B3GAT2: variants seen among roughly 807,000 people sequenced by gnomAD.
B3GAT2 encodes the protein beta-1,3-glucuronyltransferase 2, also known as galactosylgalactosylxylosylprotein 3-beta-glucuronosyltransferase 2.
B3GAT2 carries 26 observed loss-of-function variants against 27.8 expected under a neutral mutation model. The ratio of observed to expected loss-of-function variants is 0.93; its 90% CI spans 0.68 to 1.30. B3GAT2 has a LOEUF of 1.30. Ranked by LOEUF, B3GAT2 falls within the 50% of genes most tolerant of loss-of-function variation. B3GAT2 has a pLI of 0.00. For synonymous variants in B3GAT2, 218 were observed against 195.1 expected (o/e 1.12, Z -0.98); for missense variants, 458 against 459.0 (o/e 1.00, Z 0.02).
At chr6:70,941,324 A>G (rs1765389181) in intron 1 of B3GAT2, among the ~76,000 whole-genome samples, 1 of 152,208 alleles carries the variant, frequency 6.6e-6, no homozygotes. Flanking sequence ...GGCAAAAAGA[A>G]CTAATATTTA....
chr6:70,879,768 C>T (rs1267032797), intron 2 of B3GAT2, among the ~76,000 whole-genome samples: 1 of 151,994 alleles, frequency 6.6e-6, no homozygotes, highest in African/African-American at 2.4e-5. Context: ...GTGGGAGAGG[C>T]AGGTGGGTTG....
At chr6:70,927,259 C>G (rs545926829) in intron 1 of B3GAT2, among the ~76,000 whole-genome samples, 1 of 152,202 alleles carries the variant, frequency 6.6e-6, no homozygotes, top group Non-Finnish European at 1.5e-5. Flanking sequence ...TATGAAGAAA[C>G]TGCATCAACT....
In B3GAT2 at chr6:70,858,254, T is replaced by G; in HGVS notation, c.*3409A>C. The G allele has an allele frequency of 6.7e-7, 1 of 1,492,172 alleles. No individual in the cohort carries two copies. The highest frequency in any genetic ancestry group is 9.1e-7 in the Non-Finnish European group (1 of 1,100,922). The allele number at this position is 1,492,172 out of a possible 1,614,324, so 92.4% of individuals were successfully genotyped here. On this transcript the variant is annotated 3_prime_UTR_variant, in exon 4 of 4. Transcript: ENST00000230053. ...GGTAGGGGTCATTTACTTTCTAGCTTCTCCCAAATCAAACCAGATTTATTT... is the reference window on the plus strand; with the variant it reads ...GGTAGGGGTCATTTACTTTCTAGCTGCTCCCAAATCAAACCAGATTTATTT...
intron 1 of B3GAT2, among the ~76,000 whole-genome samples, chr6:70,925,465 A>G (rs773424899): frequency 1.2e-4 from 19 of 152,276 alleles, no homozygotes; most frequent in African/African-American, 4.3e-4. Flanking sequence ...CGCTTTTCCA[A>G]TGGTCTTAGC....
At chr6:70,899,359 C>G (rs1397254908) in intron 1 of B3GAT2, among the ~76,000 whole-genome samples, 1 of 152,168 alleles carries the variant, frequency 6.6e-6, no homozygotes, top group Non-Finnish European at 1.5e-5. Context: ...AGAAGCAAAA[C>G]TTTGCATGCA....
intron 1 of B3GAT2, among the ~76,000 whole-genome samples, chr6:70,955,238 G>A (rs1353569344): frequency 6.6e-6 from 1 of 151,838 alleles, no homozygotes; most frequent in Non-Finnish European, 1.5e-5. Context: ...GGGAAAGAGA[G>A]GAAGGACCTC....
chr6:70,946,454 T>G (rs1302861521), intron 1 of B3GAT2, among the ~76,000 whole-genome samples: 1 of 151,894 alleles, frequency 6.6e-6, no homozygotes, highest in Non-Finnish European at 1.5e-5. Flanking sequence ...AAACAGACTT[T>G]AAACCAACAA....
intron 1 of B3GAT2, among the ~76,000 whole-genome samples, chr6:70,915,299 A>G (rs1022859707): frequency 6.6e-6 from 1 of 152,036 alleles, no homozygotes; most frequent in Non-Finnish European, 1.5e-5. Flanking sequence ...TACATTCTGA[A>G]TATTAGCCCT....
intron 2 of B3GAT2, among the ~76,000 whole-genome samples, chr6:70,873,977 T>C (rs1411814301): frequency 6.6e-6 from 1 of 152,156 alleles, no homozygotes; most frequent in Non-Finnish European, 1.5e-5. Flanking sequence ...TATTTAGACA[T>C]GGTTATCTTT....
At chr6:70,950,860 T>C (rs1765568669) in intron 1 of B3GAT2, among the ~76,000 whole-genome samples, 2 of 152,218 alleles carry the variant, frequency 1.3e-5, no homozygotes, top group Non-Finnish European at 2.9e-5. Flanking sequence ...GCTCAATTTA[T>C]GTCAACTATA....
chr6:70,955,696 TC>T, intron 1 of B3GAT2, 142 bp downstream of exon 1: 2 of 1,014,548 alleles, frequency 2.0e-6, no homozygotes, highest in South Asian at 1.8e-5. Context: ...AAGGAGCGGC[TC>T]CACTCGGTGC....
chr6:70,893,143 G>A (rs947637197), intron 2 of B3GAT2, among the ~76,000 whole-genome samples: 1 of 152,190 alleles, frequency 6.6e-6, no homozygotes, highest in African/African-American at 2.4e-5. Context: ...CCCCTCAGAT[G>A]ACTCCTGGTA....
At chr6:70,877,537 C>T (rs1772034746) in intron 2 of B3GAT2, among the ~76,000 whole-genome samples, 1 of 152,092 alleles carries the variant, frequency 6.6e-6, no homozygotes, top group Non-Finnish European at 1.5e-5. Context: ...TTCTCCTTCT[C>T]ACTCCTTCAA....
intron 1 of B3GAT2, among the ~76,000 whole-genome samples, chr6:70,951,054 T>G (rs1765571851): frequency 6.6e-6 from 1 of 152,180 alleles, no homozygotes; most frequent in Non-Finnish European, 1.5e-5. Flanking sequence ...TGGGAGAATT[T>G]GAGCTCCATG....
Position 70,861,877 on chromosome 6 carries a change from T to A in B3GAT2, c.838A>T (p.Ile280Leu), listed in dbSNP as rs758060613. The change falls in exon 3 of 4, where the codon ATA becomes TTA. Residue 280 changes from isoleucine (I) to leucine (L), a missense_variant. Coordinates refer to ENST00000230053, the MANE Select transcript of B3GAT2 (RefSeq NM_080742.3). ...GGTTCCAGTTCTTCGACTGTTGTTA[T>A]CTGTTTGAGAAAGTCAGATTCTTGC... ...GMQESDFLKQ[I>L]TTVEELEPKA... 8 of 1,613,938 alleles carry A rather than the reference T, an allele frequency of 5.0e-6. No homozygotes were observed. In the African/African-American group the frequency reaches 1.1e-4, roughly 22 times the overall value.
At chr6:70,890,588 T>C (rs117422855) in intron 2 of B3GAT2, among the ~76,000 whole-genome samples, 2,870 of 152,352 alleles carry the variant, frequency 0.019, 32 homozygotes, top group Middle Eastern at 0.034. Flanking sequence ...TGAGTCATTC[T>C]AGCAAATTAG....
intron 1 of B3GAT2, among the ~76,000 whole-genome samples, chr6:70,933,638 T>G (rs1773094765): frequency 6.6e-6 from 1 of 152,180 alleles, no homozygotes; most frequent in Non-Finnish European, 1.5e-5. Flanking sequence ...GATACTGGCA[T>G]TTTCATCTTG....
chr6:70,857,259 C>A lies in B3GAT2; in HGVS notation c.*4404G>T, dbSNP rs987511167. 1 of 352,752 alleles carries A rather than the reference C, an allele frequency of 2.8e-6. No individual in the cohort carries two copies. 21.9% of individuals were successfully genotyped at this position (352,752 alleles called of 1,614,324 possible). A position where few individuals can be genotyped will look rare whatever the true frequency, so the allele number is the denominator to read the frequency against. On this transcript the variant is annotated 3_prime_UTR_variant, in exon 4 of 4. Coordinates refer to ENST00000230053, the MANE Select transcript of B3GAT2 (RefSeq NM_080742.3). ...TGGAATTAACAAGCTGTTCATAGATCACTAAATGTTGTTTCACAAGCTTAT... is the reference window on the plus strand; with the variant it reads ...TGGAATTAACAAGCTGTTCATAGATAACTAAATGTTGTTTCACAAGCTTAT...
intron 1 of B3GAT2, among the ~76,000 whole-genome samples, chr6:70,912,991 T>C (rs1320582168): frequency 2.0e-5 from 3 of 152,166 alleles, no homozygotes; most frequent in Admixed American, 1.3e-4. Flanking sequence ...AGGTTTTTTA[T>C]ATTTCTGTTG....
Sources: allele counts gnomAD v4.1 joint callset (sites outside exome capture counted in the v4.1 genomes callset), GRCh38; gene constraint gnomAD v4.1.1; transcripts MANE v1.5; gene names NCBI Gene and HGNC (gene_info 2026-07-23, HGNC 2026-07-21).